NPAS3: variants seen among roughly 807,000 people sequenced by gnomAD.
NPAS3 encodes neuronal PAS domain protein 3, also known as neuronal PAS domain-containing protein 3.
A neutral mutation model predicts 73.1 loss-of-function variants in NPAS3; 14 were observed. The ratio of observed to expected loss-of-function variants is 0.19; its 90% CI spans 0.13 to 0.30. The LOEUF is 0.30. Among genes scored for constraint, NPAS3 ranks in the 10% least tolerant of loss-of-function variants. NPAS3 has a pLI of 1.00. For synonymous variants in NPAS3, 620 were observed against 541.5 expected, an observed-to-expected ratio of 1.14 and a Z score of -2.01; for missense variants, 1,096 against 1,250.0, an observed-to-expected ratio of 0.88 and a Z score of 1.86.
At chr14:33,566,807 C>T (rs2055970230) in intron 5 of NPAS3, among the ~76,000 whole-genome samples, 1 of 152,096 alleles carries the variant, frequency 6.6e-6, no homozygotes, top group Non-Finnish European at 1.5e-5. Context: ...CAGTATCTAA[C>T]AATATTATTC....
intron 6 of NPAS3, among the ~76,000 whole-genome samples, chr14:33,692,301 G>A (rs940494792): frequency 6.6e-6 from 1 of 151,884 alleles, no homozygotes; most frequent in East Asian, 1.9e-4. Flanking sequence ...CCCTCCAATG[G>A]GTCTTGATGT....
chr14:33,196,968 A>G (rs1040728934), intron 2 of NPAS3, among the ~76,000 whole-genome samples: 1 of 152,148 alleles, frequency 6.6e-6, no homozygotes, highest in Non-Finnish European at 1.5e-5. Context: ...TCATGGTCCA[A>G]ATACAGGTAT....
chr14:33,647,288 CTCTATATATA>C (rs2058860263), intron 5 of NPAS3, among the ~76,000 whole-genome samples: 1 of 149,848 alleles, frequency 6.7e-6, no homozygotes, highest in African/African-American at 2.5e-5. Context: ...CTCTCTCTCT[CTCTATATATA>C]TATATATATA....
At chr14:33,029,273 G>A (rs1485911719) in intron 1 of NPAS3, among the ~76,000 whole-genome samples, 1 of 152,048 alleles carries the variant, frequency 6.6e-6, no homozygotes, top group Non-Finnish European at 1.5e-5. Flanking sequence ...GTTTAAGTGG[G>A]GAAGAGGATA....
intron 5 of NPAS3, among the ~76,000 whole-genome samples, chr14:33,587,872 G>A (rs1294590846): frequency 2.0e-5 from 3 of 152,154 alleles, no homozygotes; most frequent in South Asian, 2.1e-4. Context: ...GTTACGTTAA[G>A]GAGCACTACA....
chr14:33,396,489 A>C (rs974586884), intron 4 of NPAS3, among the ~76,000 whole-genome samples: 7 of 152,158 alleles, frequency 4.6e-5, no homozygotes, highest in Non-Finnish European at 1.0e-4. Flanking sequence ...TTGTTTCAGA[A>C]TTTATTTATT....
chr14:33,014,971 A>G lies in NPAS3; in HGVS notation c.51-40934A>G, dbSNP rs565649315. Among the ~76,000 whole-genome samples, 7 of 152,298 alleles carry G rather than the reference A, an allele frequency of 4.6e-5. No individual in the cohort carries two copies. In the South Asian group the frequency reaches 1.5e-3, roughly 32 times the overall value. On this transcript the variant is annotated intron_variant, in intron 1 of 11. Coordinates refer to ENST00000356141, the Ensembl canonical transcript of NPAS3. The stretch of plus-strand genomic sequence containing the variant: ...AGGTGCTGAGTTGTAGAGGACTCTT[A>G]CTCGGTACACTCCAGATACTGGCAG...
In NPAS3 at chr14:33,544,808, A is replaced by AT. The variant is rs1566989663; in HGVS notation, c.469-15312dup. Among the ~76,000 whole-genome samples, 9 of 89,514 alleles carry AT rather than the reference A, an allele frequency of 1.0e-4. 1 individual carries two copies. Among genetic ancestry groups the AT allele is most frequent in the African/African-American group, 5.4e-4 (8 of 14,886 alleles). 58.7% of individuals were successfully genotyped at this position (89,514 alleles called of 152,430 possible). ...GTGTATTATATATATATATATATAT[A>AT]TATGTATATATAATATATATGTGTA... On this transcript the variant is annotated intron_variant, in intron 4 of 11. Coordinates refer to ENST00000356141, the Ensembl canonical transcript of NPAS3.
intron 2 of NPAS3, among the ~76,000 whole-genome samples, chr14:33,188,169 G>A (rs972944242): frequency 3.3e-5 from 5 of 152,186 alleles, no homozygotes; most frequent in African/African-American, 1.2e-4. Flanking sequence ...CATCAAGCAT[G>A]TTAGCTCATT....
chr14:33,682,727 T>C (rs909695640), intron 6 of NPAS3, among the ~76,000 whole-genome samples: 2 of 152,240 alleles, frequency 1.3e-5, no homozygotes, highest in African/African-American at 2.4e-5. Flanking sequence ...TAGGCATACT[T>C]ATCACCTTAA....
At chr14:33,185,827 G>A (rs1178056415) in intron 2 of NPAS3, among the ~76,000 whole-genome samples, 1 of 152,160 alleles carries the variant, frequency 6.6e-6, no homozygotes, top group Non-Finnish European at 1.5e-5. Context: ...TTAAGACTTT[G>A]AGAGCTAAAT....
In NPAS3 at chr14:33,698,684, C is replaced by G. The variant is rs137958345; in HGVS notation, c.733+22299C>G. 9.5e-4 allele frequency among the ~76,000 whole-genome samples: 144 copies of G among 152,338 alleles called. 1 individual carries two copies. The highest frequency in any genetic ancestry group is 3.2e-3 in the African/African-American group (135 of 41,578). ...CCCTGACATACTTCCCTTCCTCAGACAGGTTTCACAAAGGAAACTGAAATA... is the reference window on the plus strand; with the variant it reads ...CCCTGACATACTTCCCTTCCTCAGAGAGGTTTCACAAAGGAAACTGAAATA... On this transcript the variant is annotated intron_variant, in intron 6 of 11. Coordinates refer to ENST00000356141, the Ensembl canonical transcript of NPAS3.
chr14:33,308,553 C>CACACACACACACACACACACACACACAT (rs1195213186), intron 3 of NPAS3, among the ~76,000 whole-genome samples: 14 of 113,898 alleles, frequency 1.2e-4, no homozygotes, highest in East Asian at 7.7e-4. Context: ...CACACACACA[C>CACACACACACACACACACACACACACAT]ACATACATAC....
intron 4 of NPAS3, among the ~76,000 whole-genome samples, chr14:33,458,091 T>C (rs2050101477): frequency 6.6e-6 from 1 of 152,188 alleles, no homozygotes; most frequent in South Asian, 2.1e-4. Flanking sequence ...TTGAATATTG[T>C]AGCAAGACCA....
At position 33,800,115 on chromosome 14, in the gene NPAS3, G is replaced by A. The variant is rs2063647436; in HGVS notation, c.1808G>A (p.Arg603Lys). The A allele has an allele frequency of 6.3e-7, 1 of 1,584,002 alleles. No individual in the cohort carries two copies. Among genetic ancestry groups the A allele is most frequent in the Non-Finnish European group, 8.6e-7 (1 of 1,167,662 alleles). ...AGCAAGCACCAGAAGCGCAAGAAAA[G>A]GCGGAAACGGCAAAAGGGCGGCAGC... The change falls in exon 12 of 12, where the codon AGG becomes AAG. Residue 603 changes from arginine (R) to lysine (K), a missense_variant. By Grantham distance (26) the Arg-to-Lys change is conservative. This residue lies in a region of NPAS3 where 698 missense variants were observed against 676.7 expected (regional missense o/e 1.03). Transcript: ENST00000356141. This position sits in a 1 kb window ranked among gnomAD's most constrained non-coding sequence, Gnocchi z 6.5.
At chr14:33,231,081 A>C (rs2139771924) in intron 3 of NPAS3, among the ~76,000 whole-genome samples, 1 of 152,312 alleles carries the variant, frequency 6.6e-6, no homozygotes, top group Admixed American at 6.5e-5. Context: ...TTTAATAAGG[A>C]TTTACACTGA....
chr14:33,663,496 A>G (rs902141712), intron 5 of NPAS3, among the ~76,000 whole-genome samples: 9 of 152,076 alleles, frequency 5.9e-5, no homozygotes, highest in African/African-American at 1.2e-4. Flanking sequence ...TTTCAAATCG[A>G]TGTTCATCAG....
chr14:33,769,007 AG>A (rs1186276518), intron 7 of NPAS3, among the ~76,000 whole-genome samples: 5 of 152,198 alleles, frequency 3.3e-5, no homozygotes, highest in African/African-American at 9.6e-5. Context: ...ATGGAGAAAA[AG>A]GGTGCTTAAG....
intron 5 of NPAS3, among the ~76,000 whole-genome samples, chr14:33,579,063 C>T (rs1455230659): frequency 6.6e-6 from 1 of 152,136 alleles, no homozygotes; most frequent in Non-Finnish European, 1.5e-5. Flanking sequence ...AATATTAAGC[C>T]CTCATACATG....
Sources: allele counts gnomAD v4.1 joint callset (sites outside exome capture counted in the v4.1 genomes callset), GRCh38; gene constraint gnomAD v4.1.1; regional missense constraint gnomAD v4.1.1; non-coding constraint Gnocchi (gnomAD v3.1); transcripts MANE v1.5; gene names NCBI Gene and HGNC (gene_info 2026-07-23, HGNC 2026-07-21).